Variants in ICE2 observed in about 807,000 individuals in gnomAD.
The protein encoded by ICE2 is interactor of little elongation complex ELL subunit 2.
In ICE2, 87 loss-of-function variants were observed where a neutral mutation model predicts 105.4. That is an observed-to-expected ratio of 0.83 (90% CI 0.69 to 0.99). The LOEUF is 0.99. ICE2 is among the 50% of genes least tolerant of loss of function. The pLI is 0.00. For synonymous variants in ICE2, 399 were observed against 392.0 expected (o/e 1.02, Z -0.21); for missense variants, 1,323 against 1,146.7 (o/e 1.15, Z -2.22).
In ICE2 at chr15:60,449,816, C is replaced by A. The variant is rs773401350; in HGVS notation, c.1151G>T (p.Arg384Leu). Reference sequence around the variant, plus strand: ...CAAGTTTTCAAGACTCTCAATTTTTCGGCACTCGTTGACTTCACAGGACAT... The same window carrying A: ...CAAGTTTTCAAGACTCTCAATTTTTAGGCACTCGTTGACTTCACAGGACAT... ...MDMSCEVNEC[R>L]KIESLENLYL... Residue 384 changes from arginine to leucine, a missense_variant, in exon 10 of 16, where the codon CGA becomes CTA. Coordinates refer to ENST00000261520, the MANE Select transcript of ICE2 (RefSeq NM_024611.6). 1.2e-6 allele frequency: 2 copies of A among 1,613,140 alleles called. No individual in the cohort carries two copies. Among genetic ancestry groups the A allele is most frequent in the Admixed American group, 3.3e-5 (2 of 59,898 alleles).
intron 5 of ICE2, 72 bp from the exon 6 acceptor site, chr15:60,456,866 T>C: frequency 1.1e-6 from 1 of 882,694 alleles, no homozygotes; most frequent in Non-Finnish European, 1.6e-6. Flanking sequence ...TTTAGTTACA[T>C]GTGACTATGT....
chr15:60,435,812 C>T (rs1555408628), intron 13 of ICE2, among the ~76,000 whole-genome samples: 1 of 151,916 alleles, frequency 6.6e-6, no homozygotes, highest in Non-Finnish European at 1.5e-5. Flanking sequence ...CCCGTCTCCA[C>T]AAAAAATACA....
In ICE2 at chr15:60,428,352, G is replaced by A. The variant is rs2063381524; in HGVS notation, c.2820+77C>T. The A allele has an allele frequency of 2.8e-6, 4 of 1,423,712 alleles. No homozygotes were observed. In the South Asian group the frequency reaches 3.9e-5, roughly 14 times the overall value. The allele number at this position is 1,423,712 out of a possible 1,614,324, so 88.2% of individuals were successfully genotyped here. A position where few individuals can be genotyped will look rare whatever the true frequency, so the allele number is the denominator to read the frequency against. On this transcript the variant is annotated intron_variant, in intron 15 of 15. Coordinates refer to ENST00000261520, the MANE Select transcript of ICE2 (RefSeq NM_024611.6). ...TTAATATGACAATGAGAACATCAGG[G>A]TGAAATACGGTAAAGTCAGTGAAAT... is the stretch of plus-strand genomic sequence containing the variant.
chr15:60,435,807 C>A (rs2063573812), intron 13 of ICE2, among the ~76,000 whole-genome samples: 1 of 152,056 alleles, frequency 6.6e-6, no homozygotes, highest in Admixed American at 6.5e-5. Context: ...GAAACCCCGT[C>A]TCCACAAAAA....
chr15:60,431,764 T>C (rs1049915116), intron 14 of ICE2, among the ~76,000 whole-genome samples, 170 bp downstream of exon 14: 2 of 152,236 alleles, frequency 1.3e-5, no homozygotes, highest in Non-Finnish European at 2.9e-5. Context: ...TAAAGCCAGA[T>C]ACTAAATTAC....
At chr15:60,453,291 C>G in intron 9 of ICE2, 1 of 1,074,228 alleles carries the variant, frequency 9.3e-7, no homozygotes. Flanking sequence ...ATATTAACCA[C>G]CACCATCAAG....
rs1287000608 is a variant in ICE2 at position 60,442,532 on chromosome 15, T to C, written c.2309A>G (p.Tyr770Cys). The stretch of plus-strand genomic sequence containing the variant: ...TTGATACTCTACTTTTGGTAGTACA[T>C]AAACTGGAAATTGCTGCAATGCAAA... ...RKKIRRQFPVYVLPKVEYQAC... is the reference protein window; with the variant it reads ...RKKIRRQFPVCVLPKVEYQAC... The change falls in exon 12 of 16, where the codon TAT becomes TGT. Residue 770 changes from tyrosine (Y) to cysteine (C), a missense_variant. By Grantham distance (194) the Tyr-to-Cys change is radical. Coordinates refer to ENST00000261520, the MANE Select transcript of ICE2 (RefSeq NM_024611.6). The C allele has an allele frequency of 1.7e-5, 27 of 1,567,356 alleles. No homozygotes were observed. Among genetic ancestry groups the C allele is most frequent in the Middle Eastern group, 1.7e-4 (1 of 5,770 alleles).
intron 15 of ICE2, among the ~76,000 whole-genome samples, chr15:60,428,224 A>C (rs2063379197): frequency 6.6e-6 from 1 of 152,186 alleles, no homozygotes; most frequent in Non-Finnish European, 1.5e-5. Flanking sequence ...TTGACTTATA[A>C]ATCTTGCAAA....
rs573150492 is a variant in ICE2 at position 60,448,497 on chromosome 15, T to C, written c.2119+351A>G. Among the ~76,000 whole-genome samples, 14 of 152,330 alleles carry C rather than the reference T, an allele frequency of 9.2e-5. No individual in the cohort carries two copies. In the South Asian group the frequency reaches 2.9e-3, roughly 32 times the overall value. On this transcript the variant is annotated intron_variant, in intron 10 of 15. Transcript: ENST00000261520. The stretch of plus-strand genomic sequence containing the variant: ...ATTTATTTCACAAAACCAAAAAGTA[T>C]AAAACTGCAGTCCAACACCAAGTAT...
At chr15:60,472,533 T>G (rs1330850171) in intron 3 of ICE2, among the ~76,000 whole-genome samples, 2 of 152,244 alleles carry the variant, frequency 1.3e-5, no homozygotes, top group Non-Finnish European at 2.9e-5. Flanking sequence ...AATAGATTAT[T>G]TTGTGCTCTA....
At chr15:60,426,565 A>T (rs190073689) in intron 15 of ICE2, among the ~76,000 whole-genome samples, 2 of 152,348 alleles carry the variant, frequency 1.3e-5, no homozygotes, top group East Asian at 3.9e-4. Flanking sequence ...CACATTCTAG[A>T]CATTATTTAA....
intron 14 of ICE2, among the ~76,000 whole-genome samples, chr15:60,428,906 G>C (rs1049016006): frequency 6.6e-6 from 1 of 152,112 alleles, no homozygotes; most frequent in Non-Finnish European, 1.5e-5. Flanking sequence ...CAGAATAGTT[G>C]ATCATTTTCT....
chr15:60,439,334 T>C (rs1441445485), intron 12 of ICE2: 1 of 152,222 alleles, frequency 6.6e-6, no homozygotes, highest in East Asian at 1.9e-4. Context: ...CAGTGCTTGT[T>C]ACCTTCTTGC....
intron 15 of ICE2, among the ~76,000 whole-genome samples, chr15:60,425,701 C>T (rs1379087924): frequency 6.6e-6 from 1 of 152,164 alleles, no homozygotes; most frequent in East Asian, 1.9e-4. Context: ...AACGTTTGAA[C>T]AAATTTTTAC....
chr15:60,432,469 C>T (rs1023123546), intron 13 of ICE2, among the ~76,000 whole-genome samples: 1 of 151,696 alleles, frequency 6.6e-6, no homozygotes, highest in African/African-American at 2.4e-5. Flanking sequence ...GGATTACAGG[C>T]ATGAGGCATG....
chr15:60,452,745 T>C (rs919036989), intron 9 of ICE2: 14 of 450,026 alleles, frequency 3.1e-5, no homozygotes, highest in African/African-American at 2.8e-4. Flanking sequence ...CAAATTCATT[T>C]AAACCTAAAC....
intron 8 of ICE2, 34 bp from the exon 9 acceptor site, chr15:60,453,818 G>A (rs964349454): frequency 2.5e-5 from 37 of 1,469,668 alleles, no homozygotes; most frequent in Non-Finnish European, 3.2e-5. Flanking sequence ...GAGGTGATTA[G>A]TATCTAATTG....
chr15:60,428,620 A>G lies in ICE2; in HGVS notation c.2629T>C (p.Ser877Pro), dbSNP rs117095293. The G allele has an allele frequency of 6.2e-7, 1 of 1,614,190 alleles. No individual in the cohort carries two copies. The highest frequency in any genetic ancestry group is 8.5e-7 in the Non-Finnish European group (1 of 1,180,004). Residue 877 changes from serine (S) to proline (P), a missense_variant, in exon 15 of 16, where the codon TCT becomes CCT. Coordinates refer to ENST00000261520, the MANE Select transcript of ICE2 (RefSeq NM_024611.6). ...EDSSLLIYKA[S>P]DGKVTRTAYN... ...GCTGTCCTAGTAACTTTTCCATCAG[A>G]GGCCTTATAAATCAGGAGTGAAGAA...
intron 12 of ICE2, among the ~76,000 whole-genome samples, chr15:60,436,483 C>T (rs1052469875): frequency 6.6e-6 from 1 of 151,866 alleles, no homozygotes; most frequent in African/African-American, 2.4e-5. Flanking sequence ...TCCACACATA[C>T]GAAATCATTT....
Sources: gnomAD v4.1 joint callset for allele counts (sites outside exome capture counted in the v4.1 genomes callset) on GRCh38, gnomAD v4.1.1 for gene constraint, MANE v1.5 for transcripts, NCBI Gene and HGNC (gene_info 2026-07-23, HGNC 2026-07-21) for gene names.